Variants in TENM2 observed in about 807,000 individuals in gnomAD.
TENM2 encodes teneurin transmembrane protein 2, also known as teneurin-2.
A neutral mutation model predicts 245.2 loss-of-function variants in TENM2; 52 were observed. That is an observed-to-expected ratio of 0.21 (90% CI 0.17 to 0.27). The LOEUF (loss-of-function observed/expected upper bound fraction) is 0.27, where lower values mean the gene tolerates loss of function less well. TENM2 is among the 10% of genes least tolerant of loss of function. TENM2 has a pLI of 1.00. For missense variants in TENM2, 3,046 were observed against 3,666.8 expected (o/e 0.83, Z 4.37); for synonymous variants, 1,363 against 1,438.9 (o/e 0.95, Z 1.19).
intron 27 of TENM2, among the ~76,000 whole-genome samples, chr5:168,253,430 T>A (rs1300840432): frequency 1.7e-5 from 2 of 116,076 alleles, no homozygotes; most frequent in Non-Finnish European, 3.8e-5. Flanking sequence ...CATTATTTTA[T>A]TTTTTTTTTT....
At chr5:167,159,401 T>C in the TENM2 span, among the ~76,000 whole-genome samples, 2 of 152,206 alleles carry the variant, frequency 1.3e-5, no homozygotes, top group South Asian at 4.1e-4. Context: ...TCAAGAGATC[T>C]ATTAGACAGC....
chr5:167,689,465 C>G (rs563896956), intron 2 of TENM2, among the ~76,000 whole-genome samples: 5 of 152,332 alleles, frequency 3.3e-5, no homozygotes, highest in Admixed American at 2.0e-4. Context: ...TCCATCAACT[C>G]TGTTCCCACA....
At chr5:167,934,117 A>G (rs1223166534) in intron 3 of TENM2, among the ~76,000 whole-genome samples, 1 of 152,192 alleles carries the variant, frequency 6.6e-6, no homozygotes, top group African/African-American at 2.4e-5. Flanking sequence ...TTAAACTGGG[A>G]CTGATTCCCC....
At chr5:168,221,937 G>A (rs932703151) in intron 23 of TENM2, among the ~76,000 whole-genome samples, 1 of 152,096 alleles carries the variant, frequency 6.6e-6, no homozygotes, top group African/African-American at 2.4e-5. Context: ...TGTTACATGG[G>A]GATAAAAATG....
chr5:167,978,415 A>T (rs984266253), intron 4 of TENM2, among the ~76,000 whole-genome samples: 1 of 152,244 alleles, frequency 6.6e-6, no homozygotes, highest in African/African-American at 2.4e-5. Flanking sequence ...GTACACACAC[A>T]CTCACACAAA....
At chr5:168,236,278 C>T (rs1021500966) in intron 25 of TENM2, among the ~76,000 whole-genome samples, 1 of 152,136 alleles carries the variant, frequency 6.6e-6, no homozygotes. Context: ...TAGCTTATTC[C>T]GGTCATCTGG....
At chr5:167,461,131 G>A (rs938511090) in intron 2 of TENM2, among the ~76,000 whole-genome samples, 1 of 151,764 alleles carries the variant, frequency 6.6e-6, no homozygotes, top group African/African-American at 2.4e-5. Flanking sequence ...TTGTTTTGAT[G>A]GAAAAGGTTT....
intron 2 of TENM2, among the ~76,000 whole-genome samples, chr5:167,504,945 G>A (rs936830185): frequency 9.3e-5 from 14 of 151,218 alleles, no homozygotes; most frequent in Admixed American, 5.3e-4. Context: ...TTGAGTTTTC[G>A]TCATTCAAAA....
chr5:167,500,240 T>C (rs1769121733), intron 2 of TENM2, among the ~76,000 whole-genome samples: 1 of 152,076 alleles, frequency 6.6e-6, no homozygotes, highest in Non-Finnish European at 1.5e-5. Context: ...GGGCCTTTGT[T>C]GTCTGTAGCA....
the TENM2 span, among the ~76,000 whole-genome samples, chr5:167,153,172 C>T: frequency 1.3e-5 from 2 of 151,582 alleles, no homozygotes; most frequent in Non-Finnish European, 2.9e-5. Context: ...GCACTGACCT[C>T]CTACACAAGT....
intron 2 of TENM2, among the ~76,000 whole-genome samples, chr5:167,813,890 G>A (rs1448791170): frequency 6.6e-6 from 1 of 152,184 alleles, no homozygotes; most frequent in African/African-American, 2.4e-5. Flanking sequence ...GGCAACAGAT[G>A]TGTTTTCTTA....
chr5:167,632,981 G>A (rs962199159), intron 2 of TENM2, among the ~76,000 whole-genome samples: 5 of 152,154 alleles, frequency 3.3e-5, no homozygotes, highest in Non-Finnish European at 5.9e-5. Context: ...GTAAGGAGTA[G>A]CAGAGGGAGA....
the TENM2 span, among the ~76,000 whole-genome samples, chr5:167,019,677 C>A: frequency 6.6e-6 from 1 of 151,940 alleles, no homozygotes; most frequent in African/African-American, 2.4e-5. Flanking sequence ...ACCATGTTGG[C>A]CCAGGTGGTC....
At chr5:167,934,368 AG>A (rs758325158) in intron 3 of TENM2, among the ~76,000 whole-genome samples, 20 of 152,322 alleles carry the variant, frequency 1.3e-4, no homozygotes, top group Middle Eastern at 3.4e-3. Flanking sequence ...TCCTCCTAGA[AG>A]GGGAAAGATT....
chr5:167,580,483 A>T (rs576549269), intron 2 of TENM2, among the ~76,000 whole-genome samples: 1 of 152,202 alleles, frequency 6.6e-6, no homozygotes, highest in African/African-American at 2.4e-5. Context: ...CTGGGTGCCA[A>T]TCAGTCCTTG....
intron 7 of TENM2, among the ~76,000 whole-genome samples, chr5:168,075,518 G>C (rs1304672503): frequency 6.6e-6 from 1 of 152,074 alleles, no homozygotes; most frequent in African/African-American, 2.4e-5. Context: ...CAGATCCCCT[G>C]TGCCCCACAC....
At chr5:168,127,915 A>C (rs1317308143) in intron 12 of TENM2, among the ~76,000 whole-genome samples, 3 of 152,148 alleles carry the variant, frequency 2.0e-5, no homozygotes, top group African/African-American at 7.2e-5. Flanking sequence ...CCCAGCCATC[A>C]AGTTTGAGAC....
chr5:167,280,306 G>A (rs1770970569), upstream of TENM2, among the ~76,000 whole-genome samples: 1 of 152,182 alleles, frequency 6.6e-6, no homozygotes, highest in Non-Finnish European at 1.5e-5. Flanking sequence ...ACCACAGAAG[G>A]ATGGTGAAAA....
At chr5:167,648,765 G>A (rs1162299584) in intron 2 of TENM2, among the ~76,000 whole-genome samples, 1 of 152,190 alleles carries the variant, frequency 6.6e-6, no homozygotes, top group African/African-American at 2.4e-5. Context: ...ACCTTTTGAT[G>A]TTGGGAATCA....
Sources: gnomAD v4.1 joint callset for allele counts (sites outside exome capture counted in the v4.1 genomes callset) on GRCh38, gnomAD v4.1.1 for gene constraint, MANE v1.5 for transcripts, NCBI Gene and HGNC (gene_info 2026-07-23, HGNC 2026-07-21) for gene names.